Variants in MPP7 observed in about 807,000 individuals in gnomAD.
MPP7 encodes the protein MAGUK p55 subfamily member 7.
In MPP7, 60 loss-of-function variants were observed where a neutral mutation model predicts 76.5. The observed-to-expected ratio is 0.78, with a 90% CI of 0.64 to 0.97. The LOEUF (loss-of-function observed/expected upper bound fraction) is 0.97, where lower values mean the gene tolerates loss of function less well. MPP7 is among the 50% of genes least tolerant of loss of function. The pLI, the probability that MPP7 is intolerant of heterozygous loss-of-function variation, is 0.00. For synonymous variants in MPP7, 237 were observed against 244.5 expected (o/e 0.97, Z 0.29); for missense variants, 641 against 694.0 (o/e 0.92, Z 0.86).
At chr10:28,132,174 CTTTT>C (rs1195365066) in intron 5 of MPP7, among the ~76,000 whole-genome samples, 10 of 152,084 alleles carry the variant, frequency 6.6e-5, no homozygotes, top group Admixed American at 6.5e-4. Flanking sequence ...ATGACAGATT[CTTTT>C]GTCTTTTTCC....
intron 2 of MPP7, among the ~76,000 whole-genome samples, chr10:28,217,072 A>G (rs543138587): frequency 6.6e-6 from 1 of 152,298 alleles, no homozygotes; most frequent in East Asian, 1.9e-4. Context: ...TAGAGAACTC[A>G]TGCTTGCAGG....
Position 28,300,583 on chromosome 10 carries a change from T to TA in MPP7, c.-132+2277dup, listed in dbSNP as rs1460606867. On this transcript the variant is annotated intron_variant, in intron 1 of 16. Transcript: ENST00000683449. The stretch of plus-strand genomic sequence containing the variant: ...GTGTAAGAAGAGTTGCCTTATATGT[T>TA]ACATGAATATGTTAAAATGTACATG... Among the ~76,000 whole-genome samples, 7 of 152,300 alleles carry TA rather than the reference T, an allele frequency of 4.6e-5. No homozygotes were observed. The East Asian group carries it at 1.4e-3, about 29-fold the overall frequency.
At chr10:28,210,477 C>T (rs1182499875) in intron 2 of MPP7, among the ~76,000 whole-genome samples, 1 of 152,102 alleles carries the variant, frequency 6.6e-6, no homozygotes, top group Non-Finnish European at 1.5e-5. Context: ...TCAACTTTCT[C>T]ATAAATGTAT....
At chr10:28,194,107 T>C (rs1837501372) in intron 3 of MPP7, among the ~76,000 whole-genome samples, 1 of 152,324 alleles carries the variant, frequency 6.6e-6, no homozygotes, top group South Asian at 2.1e-4. Context: ...CTCCGCCTCC[T>C]GGATTCAAGC....
At chr10:28,158,924 A>C (rs1396191374) in intron 3 of MPP7, among the ~76,000 whole-genome samples, 1 of 152,170 alleles carries the variant, frequency 6.6e-6, no homozygotes, top group East Asian at 1.9e-4. Flanking sequence ...TCTCCTTTCA[A>C]AAGCAAACCG....
intron 3 of MPP7, among the ~76,000 whole-genome samples, chr10:28,160,348 C>T (rs1172966964): frequency 6.6e-6 from 1 of 152,160 alleles, no homozygotes; most frequent in Admixed American, 6.5e-5. Context: ...AGATTTAATG[C>T]AGCCAACTAT....
At chr10:28,153,431 G>A (rs1230206633) in intron 3 of MPP7, among the ~76,000 whole-genome samples, 1 of 152,038 alleles carries the variant, frequency 6.6e-6, no homozygotes, top group Non-Finnish European at 1.5e-5. Flanking sequence ...GATCCTAAAA[G>A]TCAGGACACG....
At chr10:28,287,573 A>C (rs1457471607) in intron 1 of MPP7, among the ~76,000 whole-genome samples, 1 of 152,136 alleles carries the variant, frequency 6.6e-6, no homozygotes, top group Non-Finnish European at 1.5e-5. Flanking sequence ...CATGGAAATA[A>C]ATGTTAGCAC....
chr10:28,177,899 C>T (rs1836929998), intron 3 of MPP7, among the ~76,000 whole-genome samples: 1 of 152,130 alleles, frequency 6.6e-6, no homozygotes. Flanking sequence ...GCTCCTTTCC[C>T]TTGGCTGATC....
chr10:28,269,056 C>G (rs1043888373), intron 1 of MPP7, among the ~76,000 whole-genome samples: 6 of 152,198 alleles, frequency 3.9e-5, no homozygotes, highest in Non-Finnish European at 4.4e-5. Flanking sequence ...TAAGGACTTT[C>G]TTTCCCATAA....
intron 2 of MPP7, among the ~76,000 whole-genome samples, chr10:28,309,465 C>T (rs1021864272): frequency 1.3e-5 from 2 of 151,750 alleles, no homozygotes; most frequent in African/African-American, 2.4e-5. Flanking sequence ...CAGTCTATCA[C>T]AACACTGTTT....
chr10:28,292,292 C>G (rs1174843240), intron 1 of MPP7, among the ~76,000 whole-genome samples: 1 of 152,120 alleles, frequency 6.6e-6, no homozygotes, highest in African/African-American at 2.4e-5. Context: ...CAGAACATAT[C>G]CCTGTTAAGT....
At chr10:28,167,952 C>T (rs1836540848) in intron 3 of MPP7, among the ~76,000 whole-genome samples, 1 of 152,114 alleles carries the variant, frequency 6.6e-6, no homozygotes, top group Non-Finnish European at 1.5e-5. Context: ...GTTATATTTT[C>T]TAGGCCAGGC....
chr10:28,239,207 C>A (rs180827420), intron 1 of MPP7, among the ~76,000 whole-genome samples: 14 of 150,928 alleles, frequency 9.3e-5, no homozygotes, highest in Admixed American at 9.2e-4. Flanking sequence ...TGCAATGGTG[C>A]GATCTGGGCT....
chr10:28,224,359 TA>T (rs56223552), intron 2 of MPP7, among the ~76,000 whole-genome samples: 9,589 of 141,700 alleles, frequency 0.068, 519 homozygotes, highest in African/African-American at 0.15. Flanking sequence ...ATATCAAAGT[TA>T]AAAAAAAAAA....
intron 1 of MPP7, among the ~76,000 whole-genome samples, chr10:28,247,461 G>T (rs985919814): frequency 6.6e-6 from 1 of 152,162 alleles, no homozygotes; most frequent in Admixed American, 6.5e-5. Context: ...ATGTATGTAT[G>T]TTTTGAAGCT....
intron 2 of MPP7, among the ~76,000 whole-genome samples, chr10:28,203,730 A>G (rs1208976139): frequency 2.6e-5 from 4 of 152,182 alleles, no homozygotes; most frequent in African/African-American, 9.7e-5. Flanking sequence ...GGAAGTCAAA[A>G]TGTGAAATTA....
In MPP7 at chr10:28,281,982, CAG is replaced by C. The variant is rs1255633737; in HGVS notation, c.-132+20877_-132+20878del. On this transcript the variant is annotated intron_variant, in intron 1 of 16. Coordinates refer to ENST00000683449, the MANE Select transcript of MPP7 (RefSeq NM_001318170.2). The stretch of plus-strand genomic sequence containing the variant: ...TTGCAGGACACTGGAAGGCTACAAG[CAG>C]AGTCATCGTTAAGAAGAACACCCAC... The C allele has an allele frequency of 2.0e-5, 3 of 152,208 alleles. No individual in the cohort carries two copies. The East Asian group carries it at 5.8e-4, about 29-fold the overall frequency. 9.4% of individuals were successfully genotyped at this position (152,208 alleles called of 1,614,324 possible).
chr10:28,190,709 A>C (rs1171744257), intron 3 of MPP7, among the ~76,000 whole-genome samples: 1 of 152,180 alleles, frequency 6.6e-6, no homozygotes, highest in African/African-American at 2.4e-5. Flanking sequence ...AAAAGAAAGA[A>C]AAATCTAAAA....
Sources: gnomAD v4.1 joint callset for allele counts (sites outside exome capture counted in the v4.1 genomes callset) on GRCh38, gnomAD v4.1.1 for gene constraint, MANE v1.5 for transcripts, NCBI Gene and HGNC (gene_info 2026-07-23, HGNC 2026-07-21) for gene names.